Variants in DPRX observed in about 807,000 individuals in gnomAD.
DPRX encodes the protein divergent paired-related homeobox.
Under a neutral mutation model 8.4 loss-of-function variants are expected in DPRX, and 11 were observed. The ratio of observed to expected loss-of-function variants is 1.31; its 90% CI spans 0.82 to 2.17. The LOEUF (loss-of-function observed/expected upper bound fraction) is 2.17. Among genes scored for constraint, DPRX ranks in the 30% most tolerant of loss-of-function variants. The pLI, the probability that DPRX is intolerant of heterozygous loss-of-function variation, is 0.00. For missense variants in DPRX, 211 were observed against 236.7 expected, an observed-to-expected ratio of 0.89 and a Z score of 0.71; for synonymous variants, 72 against 87.0, an observed-to-expected ratio of 0.83 and a Z score of 0.96.
Position 53,632,286 on chromosome 19 carries a change from G to A in DPRX, c.28+152G>A, listed in dbSNP as rs868862429. 37 of 963,948 alleles carry A rather than the reference G, an allele frequency of 3.8e-5. No individual in the cohort carries two copies. The Middle Eastern group carries it at 2.0e-3, about 52-fold the overall frequency. The allele number at this position is 963,948 out of a possible 1,614,324, so 59.7% of individuals were successfully genotyped here. On this transcript the variant is annotated intron_variant, in intron 1 of 2. Transcript: ENST00000376650. ...TCCCACAGAGGCTGTCATCGTTTTT[G>A]TTGTTGTTGTTTTGTTTTGTTTTGT...
the DPRX span, among the ~76,000 whole-genome samples, chr19:53,618,379 T>C: frequency 6.6e-6 from 1 of 151,872 alleles, no homozygotes; most frequent in East Asian, 1.9e-4. Context: ...GATGGTAGAT[T>C]ATTTCAGATA....
chr19:53,602,204 A>C, the DPRX span: 2 of 448,474 alleles, frequency 4.5e-6, no homozygotes, highest in East Asian at 1.4e-4. Context: ...GTTCAACTTC[A>C]GAAGCTAAAT....
chr19:53,608,976 G>GAAAAAAAA, the DPRX span, among the ~76,000 whole-genome samples: 18 of 80,650 alleles, frequency 2.2e-4, 1 homozygote, highest in African/African-American at 6.3e-4. Flanking sequence ...AAAAAAAAAG[G>GAAAAAAAA]AAAGAAAAGA....
chr19:53,635,138 T>C (rs1243510199), intron 2 of DPRX, among the ~76,000 whole-genome samples: 2 of 152,112 alleles, frequency 1.3e-5, no homozygotes, highest in African/African-American at 4.8e-5. Context: ...ACACTACGCC[T>C]CCCAAAGTGT....
At chr19:53,617,272 A>G in the DPRX span, 1 of 724,932 alleles carries the variant, frequency 1.4e-6, no homozygotes, top group Non-Finnish European at 2.6e-6. Context: ...TTTAAGAAGA[A>G]ATCAGGCTGG....
the DPRX span, among the ~76,000 whole-genome samples, chr19:53,618,675 A>C: frequency 8.3e-6 from 1 of 120,050 alleles, no homozygotes; most frequent in Non-Finnish European, 1.6e-5. Context: ...GAAATTATTC[A>C]TATTGTCTCC....
the DPRX span, chr19:53,601,481 TTC>T: frequency 5.8e-6 from 2 of 345,944 alleles, no homozygotes; most frequent in Non-Finnish European, 1.1e-5. Flanking sequence ...TCAATGCCTA[TTC>T]TTTTTTTTTT....
At chr19:53,611,224 A>G in the DPRX span, among the ~76,000 whole-genome samples, 1 of 152,056 alleles carries the variant, frequency 6.6e-6, no homozygotes, top group Non-Finnish European at 1.5e-5. Flanking sequence ...TCTAAAAAAA[A>G]CAAAAAATCC....
chr19:53,619,854 CAAAAA>C, the DPRX span, among the ~76,000 whole-genome samples: 1 of 111,074 alleles, frequency 9.0e-6, no homozygotes, highest in African/African-American at 3.7e-5. Flanking sequence ...GACTCTATCT[CAAAAA>C]AAAAAAAAAA....
chr19:53,604,983 G>A, the DPRX span, among the ~76,000 whole-genome samples: 1 of 152,184 alleles, frequency 6.6e-6, no homozygotes, highest in Non-Finnish European at 1.5e-5. Context: ...ATATCACACT[G>A]TACCCCACGA....
chr19:53,614,140 T>G, the DPRX span, among the ~76,000 whole-genome samples: 1 of 151,864 alleles, frequency 6.6e-6, no homozygotes, highest in East Asian at 1.9e-4. Context: ...TTAGTAGAGA[T>G]GGGGTTTCAC....
At chr19:53,609,063 A>G in the DPRX span, among the ~76,000 whole-genome samples, 218 of 152,172 alleles carry the variant, frequency 1.4e-3, no homozygotes, top group African/African-American at 4.9e-3. Context: ...AAAGAGCTCA[A>G]ATAGCAAAAG....
the DPRX span, chr19:53,608,410 A>C: frequency 1.3e-5 from 2 of 152,396 alleles, no homozygotes; most frequent in African/African-American, 4.8e-5. Context: ...AGACTTTGGA[A>C]CCCCAGGCTG....
chr19:53,609,866 T>C, the DPRX span, among the ~76,000 whole-genome samples: 1 of 152,168 alleles, frequency 6.6e-6, no homozygotes, highest in South Asian at 2.1e-4. Flanking sequence ...ACACCTATAG[T>C]CCCAGGTACT....
the DPRX span, chr19:53,606,671 TCTC>T: frequency 2.0e-5 from 3 of 147,360 alleles, no homozygotes; most frequent in South Asian, 2.1e-4. The surrounding 1 kb of genome is among the most constrained non-coding windows in gnomAD (Gnocchi z 4.8). Flanking sequence ...GAGGGCTTCT[TCTC>T]CTGCGGGACA....
chr19:53,634,012 G>A (rs2091102894), intron 1 of DPRX, among the ~76,000 whole-genome samples: 1 of 152,310 alleles, frequency 6.6e-6, no homozygotes, highest in East Asian at 1.9e-4. Flanking sequence ...CTATGAAAAT[G>A]ACAAATGAGG....
At chr19:53,608,662 T>C in the DPRX span, among the ~76,000 whole-genome samples, 2 of 151,880 alleles carry the variant, frequency 1.3e-5, no homozygotes, top group Non-Finnish European at 2.9e-5. Flanking sequence ...TTTCAAATGG[T>C]TCATTTCAGG....
chr19:53,634,841 C>T (rs1362611407), intron 2 of DPRX, among the ~76,000 whole-genome samples, 156 bp downstream of exon 2: 1 of 152,198 alleles, frequency 6.6e-6, no homozygotes, highest in Non-Finnish European at 1.5e-5. Flanking sequence ...TCTTCAACCC[C>T]CTAGAGCAAG....
chr19:53,602,180 G>A, the DPRX span: 1 of 454,226 alleles, frequency 2.2e-6, no homozygotes, highest in Non-Finnish European at 4.4e-6. Context: ...AAGGGTCAAG[G>A]TTGGGGAGAA....
Sources: allele counts gnomAD v4.1 joint callset (sites outside exome capture counted in the v4.1 genomes callset), GRCh38; gene constraint gnomAD v4.1.1; non-coding constraint Gnocchi (gnomAD v3.1); transcripts MANE v1.5; gene names NCBI Gene and HGNC (gene_info 2026-07-23, HGNC 2026-07-21).